Variants in ATP2B4 observed in about 807,000 individuals in gnomAD.
ATP2B4 encodes ATPase plasma membrane Ca2+ transporting 4.
ATP2B4 carries 39 observed loss-of-function variants against 110.3 expected under a neutral mutation model. The observed-to-expected ratio is 0.35, with a 90% confidence interval of 0.27 to 0.46. The LOEUF (loss-of-function observed/expected upper bound fraction) is 0.46, where lower values mean the gene tolerates loss of function less well. Among genes scored for constraint, ATP2B4 ranks in the 20% least tolerant of loss-of-function variants. ATP2B4 has a pLI of 1.00. For synonymous variants in ATP2B4, 538 were observed against 571.7 expected, an observed-to-expected ratio of 0.94 and a Z score of 0.84; for missense variants, 1,135 against 1,530.9, an observed-to-expected ratio of 0.74 and a Z score of 4.32.
chr1:203,667,345 T>A (rs546323945), intron 1 of ATP2B4, among the ~76,000 whole-genome samples: 16 of 152,338 alleles, frequency 1.1e-4, no homozygotes, highest in African/African-American at 3.8e-4. Context: ...CTTCTACAAG[T>A]ACATTAGCAA....
chr1:203,723,457 T>TCCCTCCCTCC (rs1553251107), intron 18 of ATP2B4, among the ~76,000 whole-genome samples: 7 of 113,574 alleles, frequency 6.2e-5, no homozygotes, highest in South Asian at 3.3e-4. Context: ...TCTCTCTCTC[T>TCCCTCCCTCC]CTCCCTCTGC....
chr1:203,657,687 C>G (rs1054996357), intron 1 of ATP2B4: 2 of 766,702 alleles, frequency 2.6e-6, no homozygotes, highest in African/African-American at 3.5e-5. Flanking sequence ...TTCCTTCTTT[C>G]TTTTCTTCTC....
At chr1:203,703,952 G>A in intron 8 of ATP2B4, 139 bp downstream of exon 8, 1 of 1,088,950 alleles carries the variant, frequency 9.2e-7, no homozygotes, top group Non-Finnish European at 1.3e-6. Context: ...CTAGGCGGCT[G>A]TTTCCCTATC....
intron 11 of ATP2B4, among the ~76,000 whole-genome samples, chr1:203,710,581 T>C (rs1054298466): frequency 6.6e-6 from 1 of 152,164 alleles, no homozygotes; most frequent in Admixed American, 6.6e-5. Context: ...CTCTCTGCCT[T>C]CAAGAAGTTC....
intron 1 of ATP2B4, among the ~76,000 whole-genome samples, chr1:203,678,532 T>G (rs1664898314): frequency 6.6e-6 from 1 of 151,820 alleles, no homozygotes; most frequent in Non-Finnish European, 1.5e-5. Flanking sequence ...GCCTCCCAAC[T>G]TGCTAGGACC....
At chr1:203,659,844 G>A (rs1266811783) in intron 1 of ATP2B4, among the ~76,000 whole-genome samples, 1 of 152,082 alleles carries the variant, frequency 6.6e-6, no homozygotes, top group Non-Finnish European at 1.5e-5. Context: ...AGCACTTTGG[G>A]AGGCCAAGGC....
At chr1:203,700,970 A>G in intron 6 of ATP2B4, 47 bp downstream of exon 6, 1 of 1,589,252 alleles carries the variant, frequency 6.3e-7, no homozygotes, top group Non-Finnish European at 8.6e-7. Flanking sequence ...ATCCCCATGG[A>G]CAAACAAGGA....
At chr1:203,659,955 G>A (rs941468780) in intron 1 of ATP2B4, among the ~76,000 whole-genome samples, 2 of 151,972 alleles carry the variant, frequency 1.3e-5, no homozygotes, top group African/African-American at 4.8e-5. Context: ...GGTGGCAGGT[G>A]CCTGTAATCT....
At chr1:203,701,916 T>G (rs1427124315) in intron 6 of ATP2B4, 128 bp from the exon 7 acceptor site, 1 of 870,542 alleles carries the variant, frequency 1.1e-6, no homozygotes, top group Admixed American at 2.5e-5. Flanking sequence ...CCTTTACATT[T>G]ATGTCCCTTC....
At chr1:203,708,309 T>C (rs948871946) in intron 10 of ATP2B4, among the ~76,000 whole-genome samples, 10 of 152,082 alleles carry the variant, frequency 6.6e-5, no homozygotes, top group Admixed American at 2.0e-4. Flanking sequence ...CCTGTAAGAA[T>C]CTATGGCCAG....
At chr1:203,737,708 G>A (rs1387840972) in intron 20 of ATP2B4, among the ~76,000 whole-genome samples, 1 of 152,188 alleles carries the variant, frequency 6.6e-6, no homozygotes, top group African/African-American at 2.4e-5. Context: ...TGTTCAGCAT[G>A]GTGAGTGTGT....
At chr1:203,635,939 A>C (rs1663424261) in intron 1 of ATP2B4, among the ~76,000 whole-genome samples, 1 of 152,030 alleles carries the variant, frequency 6.6e-6, no homozygotes, top group Non-Finnish European at 1.5e-5. Context: ...ACTGCTCCCC[A>C]CCCACAGCCT....
At chr1:203,672,109 G>T (rs145158785) in intron 1 of ATP2B4, among the ~76,000 whole-genome samples, 1 of 152,240 alleles carries the variant, frequency 6.6e-6, no homozygotes, top group East Asian at 1.9e-4. Context: ...GAGGTGAGAA[G>T]ACCCTGGGGT....
chr1:203,728,009 A>C (rs1666575490), intron 20 of ATP2B4: 2 of 345,766 alleles, frequency 5.8e-6, no homozygotes, highest in Admixed American at 4.5e-5. Context: ...TCACACTGCC[A>C]TTATAGGAAT....
At chr1:203,687,397 A>G (rs1295571668) in intron 2 of ATP2B4, among the ~76,000 whole-genome samples, 3 of 152,206 alleles carry the variant, frequency 2.0e-5, no homozygotes, top group African/African-American at 7.2e-5. Flanking sequence ...GTAGGCAGAC[A>G]AAAGATCCCC....
chr1:203,707,182 C>T lies in ATP2B4; in HGVS notation c.1273C>T (p.Leu425=), dbSNP rs1017060482. 1 of 1,614,074 alleles carries T rather than the reference C, an allele frequency of 6.2e-7. No individual in the cohort carries two copies. The highest frequency in any genetic ancestry group is 8.5e-7 in the Non-Finnish European group (1 of 1,180,016). The change falls in exon 9 of 21, where the codon CTG becomes TTG. Residue 425 remains leucine (L), a synonymous_variant. Coordinates refer to ENST00000357681, the MANE Select transcript of ATP2B4 (RefSeq NM_001684.5). The part of the protein sequence containing the change: ...TVLVVAVPEG[L]PLAVTISLAY... ...ACTGGTGGTGGCTGTGCCAGAGGGGCTGCCTCTGGCTGTCACCATCTCACT... is the reference window on the plus strand; with the variant it reads ...ACTGGTGGTGGCTGTGCCAGAGGGGTTGCCTCTGGCTGTCACCATCTCACT...
rs539931310 is a variant in ATP2B4 at position 203,638,348 on chromosome 1, T to A, written c.-465+11129T>A. ...CTGCTTTCCTGGCACTTATGGACCATTAGGATGATTTTTTGATGTTTTCTC... is the reference window on the plus strand; with the variant it reads ...CTGCTTTCCTGGCACTTATGGACCAATAGGATGATTTTTTGATGTTTTCTC... On this transcript the variant is annotated intron_variant, in intron 1 of 20. Coordinates refer to ENST00000357681, the MANE Select transcript of ATP2B4 (RefSeq NM_001684.5). Among the ~76,000 whole-genome samples, 288 of 152,252 alleles carry A rather than the reference T, an allele frequency of 1.9e-3. 1 individual carries two copies. Among genetic ancestry groups the A allele is most frequent in the African/African-American group, 6.6e-3 (274 of 41,556 alleles).
chr1:203,726,190 C>T (rs113732253), intron 19 of ATP2B4, among the ~76,000 whole-genome samples: 134 of 151,940 alleles, frequency 8.8e-4, no homozygotes, highest in African/African-American at 3.1e-3. Flanking sequence ...GCTGAGATCA[C>T]GGCACTGCAC....
chr1:203,728,275 T>A, intron 20 of ATP2B4: 1 of 425,124 alleles, frequency 2.4e-6, no homozygotes, highest in Non-Finnish European at 4.8e-6. Context: ...ATGTCCCCTG[T>A]CTATAGCCCC....
Sources: gnomAD v4.1 joint callset for allele counts (sites outside exome capture counted in the v4.1 genomes callset) on GRCh38, gnomAD v4.1.1 for gene constraint, MANE v1.5 for transcripts, NCBI Gene and HGNC (gene_info 2026-07-23, HGNC 2026-07-21) for gene names.